Variants in ERI3 observed in about 807,000 individuals in gnomAD.
ERI3 encodes ERI1 exoribonuclease 3.
Under a neutral mutation model 44.4 loss-of-function variants are expected in ERI3, and 18 were observed. That is an observed-to-expected ratio of 0.41 (90% CI 0.28 to 0.60). The LOEUF (loss-of-function observed/expected upper bound fraction) is 0.60, where lower values mean the gene tolerates loss of function less well. ERI3 is among the 20% of genes least tolerant of loss of function. The probability of loss-of-function intolerance (pLI) is 0.36; values close to 1 mark genes in which losing one functional copy is unlikely to be tolerated. For missense variants in ERI3, 294 were observed against 435.5 expected, an observed-to-expected ratio of 0.68 and a Z score of 2.89; for synonymous variants, 183 against 164.8, an observed-to-expected ratio of 1.11 and a Z score of -0.84.
In ERI3 at chr1:44,244,692, G is replaced by T. The variant is rs187741637; in HGVS notation, c.931+3247C>A. 2.6e-3 allele frequency among the ~76,000 whole-genome samples: 398 copies of T among 151,994 alleles called. 1 individual carries two copies. Among genetic ancestry groups the T allele is most frequent in the African/African-American group, 9.2e-3 (380 of 41,414 alleles). Reference sequence around the variant, plus strand: ...CACTAGTCCTTCCCCTACAAACTATGAGCATCCTCTGACTGAAGCCAACAC... The same window carrying T: ...CACTAGTCCTTCCCCTACAAACTATTAGCATCCTCTGACTGAAGCCAACAC... On this transcript the variant is annotated intron_variant, in intron 8 of 8. Coordinates refer to ENST00000372257, the MANE Select transcript of ERI3 (RefSeq NM_024066.3).
chr1:44,259,875 CTAGATAGATAGATAGA>C (rs71036672), intron 7 of ERI3, among the ~76,000 whole-genome samples: 31 of 135,958 alleles, frequency 2.3e-4, no homozygotes, highest in African/African-American at 6.0e-4. Flanking sequence ...GGAAAACCCT[CTAGATAGATAGATAGA>C]TAGATAGATA....
chr1:44,258,012 G>T (rs1644814194), intron 7 of ERI3, among the ~76,000 whole-genome samples: 1 of 152,156 alleles, frequency 6.6e-6, no homozygotes, highest in Admixed American at 6.5e-5. Context: ...TATGTCAAAT[G>T]ACCCTGTCTC....
intron 7 of ERI3, among the ~76,000 whole-genome samples, chr1:44,275,156 T>C (rs1645157200): frequency 1.3e-5 from 2 of 152,074 alleles, no homozygotes; most frequent in South Asian, 2.1e-4. Flanking sequence ...TTGGTTTTCA[T>C]TTTTGTTTGT....
intron 8 of ERI3, among the ~76,000 whole-genome samples, chr1:44,239,032 C>T (rs972186433): frequency 1.4e-5 from 2 of 141,316 alleles, no homozygotes; most frequent in Admixed American, 6.8e-5. Context: ...GCTGCCCCCT[C>T]CCCCCCCCAA....
chr1:44,301,644 C>A (rs780027884), intron 6 of ERI3, among the ~76,000 whole-genome samples: 3 of 152,196 alleles, frequency 2.0e-5, no homozygotes, highest in African/African-American at 4.8e-5. Context: ...CTCACTAGGA[C>A]GATCCACTAT....
At chr1:44,318,426 G>T (rs183344592) in intron 4 of ERI3, among the ~76,000 whole-genome samples, 1 of 152,158 alleles carries the variant, frequency 6.6e-6, no homozygotes, top group Admixed American at 6.5e-5. Context: ...TCAGATTAGC[G>T]CCCCCTGGTG....
chr1:44,332,043 T>C (rs1322357453), intron 3 of ERI3, among the ~76,000 whole-genome samples: 1 of 152,196 alleles, frequency 6.6e-6, no homozygotes, highest in African/African-American at 2.4e-5. Context: ...TACTTGTCTT[T>C]ATACCCCTAG....
At chr1:44,292,092 G>A (rs1483277010) in intron 6 of ERI3, among the ~76,000 whole-genome samples, 2 of 152,186 alleles carry the variant, frequency 1.3e-5, no homozygotes, top group African/African-American at 4.8e-5. Context: ...GCTATAAGGA[G>A]ATCGATTGAG....
intron 3 of ERI3, among the ~76,000 whole-genome samples, chr1:44,327,345 C>G (rs1040846641): frequency 1.4e-4 from 21 of 152,190 alleles, no homozygotes; most frequent in African/African-American, 4.8e-4. Flanking sequence ...GGGCCTGCCT[C>G]CCAGTCACCT....
In ERI3 at chr1:44,339,157, T is replaced by A; in HGVS notation, c.377A>T (p.His126Leu). The A allele has an allele frequency of 6.2e-7, 1 of 1,613,926 alleles. No individual in the cohort carries two copies. Among genetic ancestry groups the A allele is most frequent in the Non-Finnish European group, 8.5e-7 (1 of 1,179,988 alleles). ...TGCCGCCATGGATGCGCCAAAGCCG[T>A]GGGCCGCCAGCTTTCTGGTGGATAT... ...CSISTRKLAA[H>L]GFGASMAAMV... is the part of the protein sequence containing the mutation. Residue 126 changes from histidine (H) to leucine (L), a missense_variant, in exon 3 of 9, where the codon CAC (histidine) becomes CTC (leucine). By Grantham distance (99) the His-to-Leu change is moderately conservative. This residue lies in a region of ERI3 where 187 missense variants were observed against 338.6 expected (regional missense o/e 0.55). Coordinates refer to ENST00000372257, the MANE Select transcript of ERI3 (RefSeq NM_024066.3).
intron 6 of ERI3, among the ~76,000 whole-genome samples, chr1:44,307,287 T>A (rs1645857711): frequency 6.6e-6 from 1 of 152,110 alleles, no homozygotes; most frequent in African/African-American, 2.4e-5. Flanking sequence ...ATGCCCAGCA[T>A]TCAAACGGCT....
intron 7 of ERI3, among the ~76,000 whole-genome samples, chr1:44,262,266 C>A (rs1035430104): frequency 6.6e-6 from 1 of 152,206 alleles, no homozygotes; most frequent in Non-Finnish European, 1.5e-5. Flanking sequence ...CTCCACAGCA[C>A]AGTCCCCATC....
At chr1:44,341,280 G>C (rs147578028) in intron 2 of ERI3, among the ~76,000 whole-genome samples, 2 of 152,168 alleles carry the variant, frequency 1.3e-5, no homozygotes, top group African/African-American at 4.8e-5. Context: ...CTCCTTAAGT[G>C]AGAACAAAAT....
chr1:44,244,816 C>A (rs535086316), intron 8 of ERI3, among the ~76,000 whole-genome samples: 2 of 152,094 alleles, frequency 1.3e-5, no homozygotes, highest in South Asian at 4.1e-4. Flanking sequence ...CTTCCCCACA[C>A]CCGTCACCCC....
intron 6 of ERI3, among the ~76,000 whole-genome samples, chr1:44,295,923 T>C (rs1223156687): frequency 1.3e-5 from 2 of 152,140 alleles, no homozygotes; most frequent in Non-Finnish European, 2.9e-5. Context: ...GAATCACTAG[T>C]CCCATGATTC....
At chr1:44,281,717 A>C (rs1326663656) in intron 7 of ERI3, among the ~76,000 whole-genome samples, 3 of 151,302 alleles carry the variant, frequency 2.0e-5, no homozygotes, top group Non-Finnish European at 2.9e-5. Context: ...AAACACCTTC[A>C]TGTCTGGGTA....
intron 3 of ERI3, among the ~76,000 whole-genome samples, 176 bp downstream of exon 3, chr1:44,338,869 G>A (rs554973573): frequency 6.6e-6 from 1 of 152,272 alleles, no homozygotes; most frequent in Non-Finnish European, 1.5e-5. Context: ...AGACTTCTCA[G>A]GTCTACCTTA....
At chr1:44,277,000 T>C (rs1341250554) in intron 7 of ERI3, among the ~76,000 whole-genome samples, 1 of 152,210 alleles carries the variant, frequency 6.6e-6, no homozygotes, top group South Asian at 2.1e-4. Flanking sequence ...AATCCTACTA[T>C]ACTTCTCAAG....
At chr1:44,322,288 T>G (rs1646218935) in intron 3 of ERI3, among the ~76,000 whole-genome samples, 1 of 151,896 alleles carries the variant, frequency 6.6e-6, no homozygotes, top group South Asian at 2.1e-4. Flanking sequence ...TTCCTGATGT[T>G]AGCTTCCTCA....
Sources: allele counts gnomAD v4.1 joint callset (sites outside exome capture counted in the v4.1 genomes callset), GRCh38; gene constraint gnomAD v4.1.1; regional missense constraint gnomAD v4.1.1; transcripts MANE v1.5; gene names NCBI Gene and HGNC (gene_info 2026-07-23, HGNC 2026-07-21).